ITPR2: variants seen among roughly 807,000 people sequenced by gnomAD.
ITPR2 encodes the protein inositol 1,4,5-trisphosphate-gated calcium channel ITPR2.
A neutral mutation model predicts 317.1 loss-of-function variants in ITPR2; 207 were observed. That is an observed-to-expected ratio of 0.65 (90% CI 0.58 to 0.73). The LOEUF is 0.73. Ranked by LOEUF, ITPR2 falls within the 30% of genes least tolerant of loss-of-function variation. The pLI, the probability that ITPR2 is intolerant of heterozygous loss-of-function variation, is 0.00. For synonymous variants in ITPR2, 1,156 were observed against 1,149.1 expected (o/e 1.01, Z -0.12); for missense variants, 2,613 against 3,284.0 (o/e 0.80, Z 4.99).
Position 26,828,126 on chromosome 12 carries a change from A to T in ITPR2, c.92+4564T>A, listed in dbSNP as rs77200442. 3.9e-3 allele frequency among the ~76,000 whole-genome samples: 588 copies of T among 152,354 alleles called. 2 individuals are homozygous for T. Among genetic ancestry groups the T allele is most frequent in the Non-Finnish European group, 7.3e-3 (500 of 68,034 alleles). On this transcript the variant is annotated intron_variant, in intron 1 of 56. Transcript: ENST00000381340. ...CATGAAAAAAGAATAAACGATAGGAACAAGGCCATATGGCTAATTAGCAGC... is the reference window on the plus strand; with the variant it reads ...CATGAAAAAAGAATAAACGATAGGATCAAGGCCATATGGCTAATTAGCAGC...
intron 53 of ITPR2, 60 bp from the exon 54 acceptor site, chr12:26,399,101 CA>C: frequency 5.1e-6 from 6 of 1,171,690 alleles, no homozygotes; most frequent in Non-Finnish European, 7.0e-6. Flanking sequence ...CACTGTCTAG[CA>C]TAGAGAGTAT....
intron 54 of ITPR2, among the ~76,000 whole-genome samples, chr12:26,390,129 G>C (rs1939787147): frequency 6.6e-6 from 1 of 152,204 alleles, no homozygotes; most frequent in Non-Finnish European, 1.5e-5. Context: ...AAGATGTAGA[G>C]AAATTAGAAT....
At chr12:26,556,566 T>TGTGTGTGTGTGTGTGTGTG (rs1555155169) in intron 35 of ITPR2, among the ~76,000 whole-genome samples, 191 bp from the exon 36 acceptor site, 1 of 136,200 alleles carries the variant, frequency 7.3e-6, no homozygotes, top group African/African-American at 2.8e-5. Context: ...ATTTTTTTTT[T>TGTGTGTGTGTGTGTGTGTG]TGTGTGTGTG....
At chr12:26,734,327 C>T (rs964980229) in intron 2 of ITPR2, among the ~76,000 whole-genome samples, 1 of 152,130 alleles carries the variant, frequency 6.6e-6, no homozygotes, top group Non-Finnish European at 1.5e-5. Context: ...GAAATTAAAA[C>T]ACATAATGTG....
intron 49 of ITPR2, among the ~76,000 whole-genome samples, chr12:26,422,669 T>C (rs544422410): frequency 1.3e-5 from 2 of 152,324 alleles, no homozygotes; most frequent in East Asian, 3.9e-4. Flanking sequence ...TATAGCTGCT[T>C]TATCTTTGTC....
At chr12:26,597,282 G>A (rs1490062212) in intron 30 of ITPR2, 148 bp from the exon 31 acceptor site, 3 of 934,058 alleles carry the variant, frequency 3.2e-6, no homozygotes, top group African/African-American at 3.3e-5. Context: ...TGGGGAGGGT[G>A]GTGACAAGAT....
At chr12:26,356,750 T>A (rs1443102185) in intron 55 of ITPR2, among the ~76,000 whole-genome samples, 1 of 152,234 alleles carries the variant, frequency 6.6e-6, no homozygotes, top group African/African-American at 2.4e-5. Flanking sequence ...TCTTGCTACA[T>A]TGCCCAGGCT....
intron 21 of ITPR2, among the ~76,000 whole-genome samples, chr12:26,636,905 T>C (rs1946877704): frequency 6.6e-6 from 1 of 152,204 alleles, no homozygotes; most frequent in Non-Finnish European, 1.5e-5. Context: ...AATCATGTTT[T>C]CCCACACCAG....
intron 26 of ITPR2, among the ~76,000 whole-genome samples, chr12:26,619,713 A>T (rs1946452312): frequency 6.6e-6 from 1 of 152,140 alleles, no homozygotes. Context: ...TGAGGCAAGG[A>T]ATTAAAGCTG....
At chr12:26,819,845 T>A (rs533636585) in intron 1 of ITPR2, among the ~76,000 whole-genome samples, 1 of 151,502 alleles carries the variant, frequency 6.6e-6, no homozygotes, top group East Asian at 1.9e-4. Flanking sequence ...GGCAGGCGGA[T>A]CACTTGAGGC....
chr12:26,727,998 G>A (rs1235568938), intron 2 of ITPR2, among the ~76,000 whole-genome samples: 1 of 152,146 alleles, frequency 6.6e-6, no homozygotes, highest in Non-Finnish European at 1.5e-5. Flanking sequence ...AACCATTCAG[G>A]AAAACCACCA....
At chr12:26,673,119 G>C (rs1377203099) in intron 13 of ITPR2, among the ~76,000 whole-genome samples, 1 of 152,184 alleles carries the variant, frequency 6.6e-6, no homozygotes, top group Non-Finnish European at 1.5e-5. Context: ...AGAGATACAA[G>C]GAGGAACTGG....
chr12:26,532,653 G>A (rs1375431942), intron 37 of ITPR2, among the ~76,000 whole-genome samples: 1 of 152,050 alleles, frequency 6.6e-6, no homozygotes, highest in African/African-American at 2.4e-5. Context: ...ACAATGGACT[G>A]TAATGATGAA....
intron 37 of ITPR2, among the ~76,000 whole-genome samples, chr12:26,532,970 G>A (rs755186501): frequency 1.6e-4 from 24 of 152,320 alleles, no homozygotes; most frequent in Admixed American, 5.9e-4. Flanking sequence ...ACAGGCGTGA[G>A]CCACCGTGCC....
chr12:26,385,798 C>T (rs902324717), intron 55 of ITPR2, among the ~76,000 whole-genome samples: 8 of 151,922 alleles, frequency 5.3e-5, no homozygotes, highest in Non-Finnish European at 1.0e-4. Flanking sequence ...CATATTGCCA[C>T]CCCACCCCCC....
chr12:26,816,525 TTGAG>T (rs1424734946), intron 1 of ITPR2, among the ~76,000 whole-genome samples: 2 of 152,200 alleles, frequency 1.3e-5, no homozygotes, highest in African/African-American at 4.8e-5. Context: ...AACATACTTC[TTGAG>T]TATCTACTAT....
chr12:26,564,300 A>G (rs1356259103), intron 34 of ITPR2, among the ~76,000 whole-genome samples: 1 of 152,212 alleles, frequency 6.6e-6, no homozygotes, highest in Non-Finnish European at 1.5e-5. Context: ...AGCAGATACA[A>G]TGTGAGAGAA....
intron 26 of ITPR2, among the ~76,000 whole-genome samples, chr12:26,615,188 G>A (rs1269970101): frequency 6.6e-6 from 1 of 152,132 alleles, no homozygotes; most frequent in African/African-American, 2.4e-5. Context: ...CAACATGAGT[G>A]AGAATAACAA....
At chr12:26,397,779 A>G (rs1482387885) in intron 54 of ITPR2, among the ~76,000 whole-genome samples, 1 of 152,202 alleles carries the variant, frequency 6.6e-6, no homozygotes, top group Non-Finnish European at 1.5e-5. Context: ...GTAACGTTGT[A>G]GTGAACCCTT....
Sources: gnomAD v4.1 joint callset for allele counts (sites outside exome capture counted in the v4.1 genomes callset) on GRCh38, gnomAD v4.1.1 for gene constraint, MANE v1.5 for transcripts, NCBI Gene and HGNC (gene_info 2026-07-23, HGNC 2026-07-21) for gene names.